Variants in DISP1 observed in about 807,000 individuals in gnomAD.
The protein encoded by DISP1 is dispatched RND transporter family member 1.
A neutral mutation model predicts 37.3 loss-of-function variants in DISP1; 30 were observed. That is an observed-to-expected ratio of 0.80 (90% CI 0.60 to 1.09). The LOEUF is 1.09. Ranked by LOEUF, DISP1 falls within the 50% of genes least tolerant of loss-of-function variation. DISP1 has a pLI of 0.00. For missense variants in DISP1, 1,598 were observed against 1,879.5 expected (o/e 0.85, Z 2.77); for synonymous variants, 634 against 690.2 (o/e 0.92, Z 1.28).
chr1:222,988,582 T>C (rs1357926438), intron 4 of DISP1, among the ~76,000 whole-genome samples: 1 of 149,250 alleles, frequency 6.7e-6, no homozygotes, highest in African/African-American at 2.6e-5. Flanking sequence ...TTTCTCTCTC[T>C]CTTTCTTTTT....
chr1:222,999,873 C>T (rs1227075482), intron 8 of DISP1, among the ~76,000 whole-genome samples: 1 of 152,162 alleles, frequency 6.6e-6, no homozygotes, highest in Non-Finnish European at 1.5e-5. Context: ...AACTGGTTTT[C>T]CAAAGGTTGA....
chr1:222,817,451 C>A (rs17163507), intron 1 of DISP1, among the ~76,000 whole-genome samples: 1,591 of 152,268 alleles, frequency 0.01, 32 homozygotes, highest in African/African-American at 0.036. Context: ...CTTTGGTTAT[C>A]AATTTTCTGA....
intron 3 of DISP1, among the ~76,000 whole-genome samples, chr1:222,951,946 A>G (rs1271567110): frequency 6.6e-6 from 1 of 152,224 alleles, no homozygotes; most frequent in East Asian, 1.9e-4. Context: ...TTATGTGTAA[A>G]CTTTTATGTA....
chr1:222,834,634 T>A, intron 1 of DISP1, among the ~76,000 whole-genome samples: 1 of 152,182 alleles, frequency 6.6e-6, no homozygotes, highest in African/African-American at 2.4e-5. Flanking sequence ...TTGTTTATAT[T>A]TTTATGTATG....
At position 222,983,121 on chromosome 1, in the gene DISP1, T is replaced by C. The variant is rs1287566935; in HGVS notation, c.539+12T>C. 6.3e-7 allele frequency: 1 copy of C among 1,593,622 alleles called. No homozygotes were observed. Among genetic ancestry groups the C allele is most frequent in the East Asian group, 2.2e-5 (1 of 44,736 alleles). ...AAGTTGCCAAAAAGGTAAAGTAATC[T>C]GGGTCATCTTATTAAATAATAAACT... On this transcript the variant is annotated intron_variant, in intron 4 of 8. Coordinates refer to ENST00000675850, the MANE Select transcript of DISP1 (RefSeq NM_001377229.1).
chr1:222,859,494 A>T (rs1319337194), intron 1 of DISP1, among the ~76,000 whole-genome samples: 6 of 152,234 alleles, frequency 3.9e-5, no homozygotes, highest in South Asian at 2.1e-4. Context: ...CTTAAAATTT[A>T]AAAAAGTGGT....
At chr1:222,941,794 C>T (rs939278361) in intron 2 of DISP1, among the ~76,000 whole-genome samples, 2 of 152,190 alleles carry the variant, frequency 1.3e-5, no homozygotes, top group South Asian at 2.1e-4. Context: ...CTGCACAAGC[C>T]GTTTTGTCTA....
chr1:222,876,262 T>C (rs1197414250), intron 1 of DISP1, among the ~76,000 whole-genome samples: 3 of 152,146 alleles, frequency 2.0e-5, no homozygotes, highest in Admixed American at 6.6e-5. Context: ...TCAGTCATGG[T>C]GGAGGAAAAG....
chr1:222,997,048 C>CTA lies in DISP1; in HGVS notation c.987+2067_987+2068insAT, dbSNP rs1019275195. On this transcript the variant is annotated intron_variant, in intron 8 of 8. Coordinates refer to ENST00000675850, the MANE Select transcript of DISP1 (RefSeq NM_001377229.1). Reference sequence around the variant, plus strand: ...CCTCTCTCTCTGTCTCTCTCTCTCTCTCTATATATATATATATATTTGTAA... The same window carrying CTA: ...CCTCTCTCTCTGTCTCTCTCTCTCTCTATCTATATATATATATATATTTGTAA... Among the ~76,000 whole-genome samples the CTA allele has an allele frequency of 4.1e-3, 603 of 148,144 alleles. 1 individual carries two copies. Among genetic ancestry groups the CTA allele is most frequent in the African/African-American group, 9.7e-3 (382 of 39,580 alleles).
At chr1:222,937,004 TAGA>T (rs1339962677) in intron 2 of DISP1, among the ~76,000 whole-genome samples, 2 of 98,338 alleles carry the variant, frequency 2.0e-5, no homozygotes, top group African/African-American at 3.8e-5. Context: ...TTATATAATA[TAGA>T]ATATTATATA....
chr1:222,862,525 GTT>G (rs33987832), intron 1 of DISP1, among the ~76,000 whole-genome samples: 27,729 of 129,252 alleles, frequency 0.21, 2,809 homozygotes, highest in Non-Finnish European at 0.27. Context: ...TGTCTCAATA[GTT>G]TTTTTTTTTT....
chr1:222,883,541 C>T (rs559747330), intron 1 of DISP1, among the ~76,000 whole-genome samples: 4 of 152,294 alleles, frequency 2.6e-5, no homozygotes, highest in African/African-American at 4.8e-5. Flanking sequence ...TCCTTGAACC[C>T]GTGAGGCAAA....
chr1:223,004,598 C>T lies in DISP1; in HGVS notation c.3201C>T (p.Asp1067=). Residue 1067 remains aspartate, a synonymous_variant, in exon 9 of 9, where the codon GAC becomes GAT. Coordinates refer to ENST00000675850, the MANE Select transcript of DISP1 (RefSeq NM_001377229.1). The surrounding 1 kb of genome is among the most constrained non-coding windows in gnomAD (Gnocchi z 4.9). ...GVAYRLAPDP[D]REGKVIFSLS... ...CCTACCGCTTGGCTCCAGATCCCGA[C>T]CGAGAAGGCAAAGTGATCTTCTCTC... is the stretch of plus-strand genomic sequence containing the variant. 1 of 1,614,150 alleles carries T rather than the reference C, an allele frequency of 6.2e-7. No homozygotes were observed. Among genetic ancestry groups the T allele is most frequent in the Non-Finnish European group, 8.5e-7 (1 of 1,180,000 alleles).
chr1:222,936,643 A>C, intron 2 of DISP1, among the ~76,000 whole-genome samples: 1 of 100,238 alleles, frequency 1.0e-5, no homozygotes, highest in African/African-American at 4.4e-5. Context: ...TATATATGAG[A>C]TATATATATC....
chr1:223,004,116 A>G lies in DISP1; in HGVS notation c.2719A>G (p.Ser907Gly), dbSNP rs934670686. The G allele has an allele frequency of 1.2e-6, 2 of 1,614,092 alleles. No homozygotes were observed. Among genetic ancestry groups the G allele is most frequent in the Non-Finnish European group, 1.7e-6 (2 of 1,180,028 alleles). ...LERSTGYHLD[S>G]KTPGPRFDIN... ...AAGGAGTACAGGGTACCATTTGGAT[A>G]GCAAAACCCCAGGGCCGAGGTTTGA... The change falls in exon 9 of 9, where the codon AGC (serine) becomes GGC (glycine). Residue 907 changes from serine to glycine, a missense_variant. Transcript: ENST00000675850. This position sits in a 1 kb window ranked among gnomAD's most constrained non-coding sequence, Gnocchi z 4.9.
intron 1 of DISP1, among the ~76,000 whole-genome samples, chr1:222,828,895 C>T (rs1665066299): frequency 6.6e-6 from 1 of 152,166 alleles, no homozygotes; most frequent in African/African-American, 2.4e-5. Context: ...CATGGGGCTG[C>T]ATTGCCAGAA....
intron 1 of DISP1, among the ~76,000 whole-genome samples, chr1:222,831,403 A>G (rs1265780894): frequency 6.6e-6 from 1 of 152,220 alleles, no homozygotes; most frequent in African/African-American, 2.4e-5. Context: ...TTAAATATAT[A>G]ATAAATGCCC....
intron 4 of DISP1, among the ~76,000 whole-genome samples, chr1:222,986,672 G>T (rs1420450163): frequency 6.6e-6 from 1 of 152,176 alleles, no homozygotes; most frequent in Non-Finnish European, 1.5e-5. Flanking sequence ...TCTGTAAAAG[G>T]AGAATGAGCC....
intron 2 of DISP1, among the ~76,000 whole-genome samples, chr1:222,941,904 A>G (rs1421899893): frequency 6.8e-6 from 1 of 146,950 alleles, no homozygotes; most frequent in East Asian, 1.9e-4. Context: ...GACTAATAGC[A>G]TTTGATGACC....
Sources: allele counts gnomAD v4.1 joint callset (sites outside exome capture counted in the v4.1 genomes callset), GRCh38; gene constraint gnomAD v4.1.1; non-coding constraint Gnocchi (gnomAD v3.1); transcripts MANE v1.5; gene names NCBI Gene and HGNC (gene_info 2026-07-23, HGNC 2026-07-21).